Variants in FRMD1 observed in about 807,000 individuals in gnomAD.
FRMD1 encodes FERM domain-containing protein 1.
Under a neutral mutation model 54.9 loss-of-function variants are expected in FRMD1, and 51 were observed. The observed-to-expected ratio is 0.93, with a 90% CI of 0.74 to 1.17. The LOEUF (loss-of-function observed/expected upper bound fraction) is 1.17, where lower values mean the gene tolerates loss of function less well. FRMD1 is among the 50% of genes most tolerant of loss of function. FRMD1 has a pLI of 0.00. For synonymous variants in FRMD1, 324 were observed against 306.4 expected, an observed-to-expected ratio of 1.06 and a Z score of -0.60; for missense variants, 729 against 743.0, an observed-to-expected ratio of 0.98 and a Z score of 0.22.
upstream of FRMD1, among the ~76,000 whole-genome samples, chr6:168,084,449 G>T (rs1401184574): frequency 6.6e-6 from 1 of 152,230 alleles, no homozygotes; most frequent in East Asian, 1.9e-4. Flanking sequence ...TGCTGCTCCT[G>T]CCATCTGTTA....
chr6:168,081,283 G>A (rs141701575), upstream of FRMD1: 1 of 1,415,342 alleles, frequency 7.1e-7, no homozygotes, highest in East Asian at 2.5e-5. Flanking sequence ...AGCTCATCAA[G>A]AAGACAACTT....
rs372041975 is a variant in FRMD1, at chr6:168,061,822, G to A, written c.1030C>T (p.Arg344Trp). 2.1e-5 allele frequency: 32 copies of A among 1,557,902 alleles called. No homozygotes were observed. Among genetic ancestry groups the A allele is most frequent in the African/African-American group, 1.1e-4 (8 of 73,458 alleles). Reference sequence around the variant, plus strand: ...CCAGCCCCACCTTCTGCCTCCTCCCGCTGCCGCAGCTGTTGCAGAGTGGGC... The same window carrying A: ...CCAGCCCCACCTTCTGCCTCCTCCCACTGCCGCAGCTGTTGCAGAGTGGGC... The part of the protein sequence containing the change: ...VRPTLQQLRQ[R>W]EEAEEKQHYR... Residue 344 changes from arginine (R) to tryptophan (W), a missense_variant, in exon 8 of 11, where the codon CGG becomes TGG. Coordinates refer to ENST00000283309, the MANE Select transcript of FRMD1 (RefSeq NM_024919.6).
intron 5 of FRMD1, 78 bp downstream of exon 5, chr6:168,064,793 G>T (rs1562414043): frequency 1.3e-6 from 2 of 1,493,744 alleles, no homozygotes; most frequent in African/African-American, 2.8e-5. Flanking sequence ...TCAGTCCCCT[G>T]CTCCCATGGA....
At chr6:168,067,052 G>A (rs1448098104) in intron 3 of FRMD1, 2 of 739,560 alleles carry the variant, frequency 2.7e-6, no homozygotes, top group Admixed American at 2.0e-5. Flanking sequence ...GCAAAGGCGG[G>A]CTTCGGGCGG....
chr6:168,067,060 C>T (rs776291672), intron 3 of FRMD1: 18 of 719,206 alleles, frequency 2.5e-5, no homozygotes, highest in Admixed American at 6.0e-5. Context: ...GGGCTTCGGG[C>T]GGGCACACCT....
intron 2 of FRMD1, among the ~76,000 whole-genome samples, chr6:168,073,918 C>T (rs552467082): frequency 8.5e-5 from 13 of 152,092 alleles, no homozygotes; most frequent in Admixed American, 8.5e-4. Context: ...CCCTGTCCTC[C>T]CCAGGCAGCA....
intron 2 of FRMD1, among the ~76,000 whole-genome samples, chr6:168,071,561 G>A (rs950692689): frequency 6.6e-6 from 1 of 152,318 alleles, no homozygotes; most frequent in Non-Finnish European, 1.5e-5. Flanking sequence ...TCACCAGGAG[G>A]AAAGGTGACC....
Position 168,053,296 on chromosome 6 carries a change from T to C in FRMD1, c.*3801A>G, listed in dbSNP as rs1415359330. ...CAGCTCGCCGCCGTGAGAACGGTCA[T>C]GGGCCCGGCTGCAGGACCGGCATTG... On this transcript the variant is annotated 3_prime_UTR_variant, in exon 11 of 11. Transcript: ENST00000283309. 2.0e-5 allele frequency: 3 copies of C among 152,244 alleles called. No individual in the cohort carries two copies. The highest frequency in any genetic ancestry group is 7.2e-5 in the African/African-American group (3 of 41,460). The allele number at this position is 152,244 out of a possible 1,614,324, so 9.4% of individuals were successfully genotyped here. A position where few individuals can be genotyped will look rare whatever the true frequency, so the allele number is the denominator to read the frequency against.
chr6:168,062,267 C>A (rs976646113), intron 7 of FRMD1, among the ~76,000 whole-genome samples: 2 of 152,210 alleles, frequency 1.3e-5, no homozygotes, highest in African/African-American at 2.4e-5. Flanking sequence ...CCAGAGCAAG[C>A]CTGCTGTCCA....
intron 2 of FRMD1, among the ~76,000 whole-genome samples, chr6:168,072,635 C>G (rs899642275): frequency 6.6e-6 from 1 of 152,374 alleles, no homozygotes; most frequent in South Asian, 2.1e-4. Context: ...GATGCACAAC[C>G]AAAGCGATGG....
chr6:168,064,000 C>T (rs546469194), intron 5 of FRMD1, among the ~76,000 whole-genome samples: 63 of 152,366 alleles, frequency 4.1e-4, no homozygotes, highest in African/African-American at 1.4e-3. Flanking sequence ...AGCAGCCAGC[C>T]CTCCTCAGAC....
Position 168,064,904 on chromosome 6 carries a change from C to T in FRMD1, c.615G>A (p.Arg205=). 1.3e-6 allele frequency: 2 copies of T among 1,591,614 alleles called. No individual in the cohort carries two copies. The highest frequency in any genetic ancestry group is 1.7e-6 in the Non-Finnish European group (2 of 1,169,702). ...GEHRESAHAG[R]YFEPHSYFPQ... is the part of the protein sequence containing the mutation. ...GGAAGTAGGAGTGTGGCTCGAAGTA[C>T]CTCCCGGCATGGGCCGACTCCCGGT... Residue 205 remains arginine, a synonymous_variant, in exon 5 of 11, where the codon AGG becomes AGA. Transcript: ENST00000283309.
Position 168,063,618 on chromosome 6 carries a change from A to G in FRMD1, c.787T>C (p.Phe263Leu). 6.2e-7 allele frequency: 1 copy of G among 1,612,434 alleles called. No homozygotes were observed. The highest frequency in any genetic ancestry group is 8.5e-7 in the Non-Finnish European group (1 of 1,179,324). ...ACRLEDVPVHFFRLHKDKKEG... is the reference protein window; with the variant it reads ...ACRLEDVPVHLFRLHKDKKEG... Reference sequence around the variant, plus strand: ...GGCTCGACCTTGTGCAGCCTGAAGAAGTGCACGGGCACGTCCTCCAGCCGG... The same window carrying G: ...GGCTCGACCTTGTGCAGCCTGAAGAGGTGCACGGGCACGTCCTCCAGCCGG... The change falls in exon 6 of 11, where the codon TTC becomes CTC. Residue 263 changes from phenylalanine to leucine, a missense_variant. By Grantham distance (22) the Phe-to-Leu change is conservative. Coordinates refer to ENST00000283309, the MANE Select transcript of FRMD1 (RefSeq NM_024919.6).
rs748463474 is a variant in FRMD1, at chr6:168,063,745, C to T, written c.660G>A (p.Lys220=). The T allele has an allele frequency of 1.2e-6, 2 of 1,612,594 alleles. No individual in the cohort carries two copies. Among genetic ancestry groups the T allele is most frequent in the East Asian group, 2.2e-5 (1 of 44,792 alleles). ...GCCGGAGGATGTAGTCAATCCCCCT[C>T]TTGGTGATGATCTGAGGACAGAGCC... The part of the protein sequence containing the change: ...HSYFPQWIIT[K]RGIDYILRHM... Residue 220 remains lysine, a synonymous_variant, in exon 6 of 11, where the codon AAG becomes AAA. Transcript: ENST00000283309.
upstream of FRMD1, chr6:168,081,267 GTCCTCAGCTCAT>G: frequency 7.5e-7 from 1 of 1,337,508 alleles, no homozygotes; most frequent in East Asian, 2.6e-5. Flanking sequence ...CAGAACCTCT[GTCCTCAGCTCAT>G]CAAGAAGACA....
intron 10 of FRMD1, among the ~76,000 whole-genome samples, chr6:168,058,645 T>A (rs1193104155): frequency 6.6e-6 from 1 of 152,192 alleles, no homozygotes. Context: ...CAGGAACCAC[T>A]GGCTCGCTTC....
At chr6:168,080,829 T>TGTGCGGGCGCTGGTG (rs1562432794), upstream of FRMD1, among the ~76,000 whole-genome samples, 7 of 151,248 alleles carry the variant, frequency 4.6e-5, no homozygotes, top group East Asian at 1.9e-4. Flanking sequence ...GGGCGCTGGT[T>TGTGCGGGCGCTGGTG]TGTGCGGGCG....
intron 2 of FRMD1, 165 bp from the exon 3 acceptor site, chr6:168,067,611 A>G (rs902925163): frequency 6.9e-6 from 4 of 582,808 alleles, no homozygotes; most frequent in African/African-American, 5.6e-5. Context: ...CAACGCAGAA[A>G]GCATCTTAAC....
intron 1 of FRMD1, among the ~76,000 whole-genome samples, chr6:168,078,607 CT>C (rs1800701087): frequency 7.6e-6 from 1 of 131,188 alleles, no homozygotes; most frequent in Non-Finnish European, 1.6e-5. Flanking sequence ...TCTGCTCACC[CT>C]CACGGCCCTG....
Sources: gnomAD v4.1 joint callset for allele counts (sites outside exome capture counted in the v4.1 genomes callset) on GRCh38, gnomAD v4.1.1 for gene constraint, MANE v1.5 for transcripts, NCBI Gene and HGNC (gene_info 2026-07-23, HGNC 2026-07-21) for gene names.